The following CATSPERE variants were observed in gnomAD, a reference collection of about 807,000 sequenced individuals.
The protein encoded by CATSPERE is cation channel sperm-associated auxiliary subunit epsilon.
CATSPERE carries 93 observed loss-of-function variants against 114.1 expected under a neutral mutation model. The ratio of observed to expected loss-of-function variants is 0.81; its 90% confidence interval spans 0.69 to 0.97. The LOEUF is 0.97. Ranked by LOEUF, CATSPERE falls within the 50% of genes least tolerant of loss-of-function variation. The pLI is 0.00. For synonymous variants in CATSPERE, 341 were observed against 384.1 expected (o/e 0.89, Z 1.31); for missense variants, 1,058 against 1,131.6 (o/e 0.93, Z 0.93).
intron 7 of CATSPERE, among the ~76,000 whole-genome samples, chr1:244,517,984 G>A (rs1676917088): frequency 6.6e-6 from 1 of 152,128 alleles, no homozygotes; most frequent in Non-Finnish European, 1.5e-5. Flanking sequence ...TAGAGGATTA[G>A]GATAGAATTC....
Position 244,477,908 on chromosome 1 carries a change from C to T in CATSPERE, c.191C>T (p.Ser64Leu). 6.2e-7 allele frequency: 1 copy of T among 1,602,658 alleles called. No individual in the cohort carries two copies. The change falls in exon 4 of 22, where the codon TCA (serine) becomes TTA (leucine). Residue 64 changes from serine (S) to leucine (L), a missense_variant and splice_region_variant. Physicochemically the swap from Ser to Leu is moderately radical, Grantham distance 145. Transcript: ENST00000366534. ...PETCFVLNKS[S>L]PTTELRCSSP... Reference sequence around the variant, plus strand: ...TTTCTCATCTTTTTAAACACTAGCTCACCCACGACAGAATTGCGTTGTTCC... The same window carrying T: ...TTTCTCATCTTTTTAAACACTAGCTTACCCACGACAGAATTGCGTTGTTCC...
At chr1:244,524,557 C>T (rs897099573) in intron 8 of CATSPERE, among the ~76,000 whole-genome samples, 10 of 151,392 alleles carry the variant, frequency 6.6e-5, no homozygotes, top group Non-Finnish European at 5.9e-5. Context: ...AGGCCACCTA[C>T]AAAATGTGAG....
At chr1:244,597,860 C>T (rs530678185) in intron 17 of CATSPERE, among the ~76,000 whole-genome samples, 2 of 152,262 alleles carry the variant, frequency 1.3e-5, no homozygotes, top group Admixed American at 1.3e-4. Context: ...TCATTTGATA[C>T]GACACATAAA....
intron 14 of CATSPERE, among the ~76,000 whole-genome samples, chr1:244,590,073 A>T (rs1417836680): frequency 6.6e-6 from 1 of 152,178 alleles, no homozygotes; most frequent in Non-Finnish European, 1.5e-5. Flanking sequence ...ATTTGTGTTC[A>T]GGGTGAGGGA....
chr1:244,558,925 C>G (rs1662117286), intron 9 of CATSPERE, among the ~76,000 whole-genome samples: 1 of 152,192 alleles, frequency 6.6e-6, no homozygotes, highest in Non-Finnish European at 1.5e-5. Context: ...AGCTGAGAAT[C>G]CAGAGTGTGG....
In CATSPERE at chr1:244,640,130, T is replaced by C. The variant is rs1354699504; in HGVS notation, c.*49T>C. The C allele has an allele frequency of 1.4e-6, 2 of 1,399,528 alleles. No homozygotes were observed. The highest frequency in any genetic ancestry group is 2.0e-6 in the Non-Finnish European group (2 of 1,017,848). The allele number at this position is 1,399,528 out of a possible 1,614,324, so 86.7% of individuals were successfully genotyped here. On this transcript the variant is annotated 3_prime_UTR_variant, in exon 22 of 22. Transcript: ENST00000366534. ...CAGATATATGCATATAGAGAAACAG[T>C]GTATTACATAGTGATATTGAGAGTG...
intron 21 of CATSPERE, among the ~76,000 whole-genome samples, chr1:244,637,941 G>A (rs1020646712): frequency 1.4e-4 from 22 of 152,104 alleles, no homozygotes; most frequent in African/African-American, 4.8e-4. Context: ...TCCTCTTTCC[G>A]TCCTGTTACA....
At chr1:244,617,477 G>T in intron 19 of CATSPERE, 52 bp from the exon 20 acceptor site, 1 of 1,331,206 alleles carries the variant, frequency 7.5e-7, no homozygotes, top group Non-Finnish European at 1.0e-6. Context: ...ATAATTTTGC[G>T]TATCAAAGTC....
At chr1:244,582,227 C>T (rs556842358) in intron 12 of CATSPERE, among the ~76,000 whole-genome samples, 2 of 152,212 alleles carry the variant, frequency 1.3e-5, no homozygotes, top group East Asian at 3.9e-4. Context: ...TGCATAGAGC[C>T]AGATAAAATG....
chr1:244,591,250 T>C (rs536067636), intron 14 of CATSPERE, among the ~76,000 whole-genome samples: 1 of 149,224 alleles, frequency 6.7e-6, no homozygotes, highest in Non-Finnish European at 1.5e-5. Flanking sequence ...CACATAGTTA[T>C]CATTTTGGTG....
chr1:244,625,192 T>C (rs1191257999), intron 20 of CATSPERE, among the ~76,000 whole-genome samples: 2 of 151,376 alleles, frequency 1.3e-5, no homozygotes, highest in Non-Finnish European at 2.9e-5. Context: ...TCTTAAATAG[T>C]AAGACTTGGA....
chr1:244,621,051 A>AAAT lies in CATSPERE; in HGVS notation c.2648+3366_2648+3367insATA, dbSNP rs1558608610. 6.4e-4 allele frequency among the ~76,000 whole-genome samples: 48 copies of AAAT among 75,364 alleles called. 5 individuals carry two copies. Among genetic ancestry groups the AAAT allele is most frequent in the African/African-American group, 2.6e-3 (34 of 13,172 alleles). The allele number at this position is 75,364 out of a possible 152,430, so 49.4% of individuals were successfully genotyped here. On this transcript the variant is annotated intron_variant, in intron 20 of 21. Transcript: ENST00000366534. Reference sequence around the variant, plus strand: ...TAAATATATATAAAATATATATATAAATATATATAAATATATATAAAATAT... The same window carrying AAAT: ...TAAATATATATAAAATATATATATAAAATATATATATAAATATATATAAAATAT...
At chr1:244,609,933 G>A (rs996368884) in intron 18 of CATSPERE, among the ~76,000 whole-genome samples, 1 of 152,104 alleles carries the variant, frequency 6.6e-6, no homozygotes, top group African/African-American at 2.4e-5. Context: ...TGTAGTCCTA[G>A]GTACTTGAGA....
chr1:244,550,013 C>T (rs1269073220), intron 8 of CATSPERE, among the ~76,000 whole-genome samples: 2 of 152,188 alleles, frequency 1.3e-5, no homozygotes, highest in Non-Finnish European at 2.9e-5. Flanking sequence ...CTCCTGCACT[C>T]AGACATTGGC....
At chr1:244,491,147 T>C (rs1672071236) in intron 6 of CATSPERE, among the ~76,000 whole-genome samples, 1 of 152,070 alleles carries the variant, frequency 6.6e-6, no homozygotes, top group South Asian at 2.1e-4. Flanking sequence ...TATACATTTT[T>C]TTCAGCACCA....
intron 5 of CATSPERE, among the ~76,000 whole-genome samples, chr1:244,489,367 C>T (rs1671576716): frequency 6.8e-6 from 1 of 147,580 alleles, no homozygotes; most frequent in Admixed American, 6.9e-5. Flanking sequence ...GTTTTTTATG[C>T]AGAATGACAA....
intron 6 of CATSPERE, among the ~76,000 whole-genome samples, chr1:244,491,984 G>T (rs1672256140): frequency 6.6e-6 from 1 of 152,312 alleles, no homozygotes; most frequent in Non-Finnish European, 1.5e-5. Context: ...TCCAGGACCA[G>T]ATGGATTCAC....
intron 17 of CATSPERE, among the ~76,000 whole-genome samples, chr1:244,595,947 A>T (rs1024359751): frequency 2.6e-5 from 4 of 152,190 alleles, no homozygotes; most frequent in Non-Finnish European, 2.9e-5. Context: ...AAGAAAAAAA[A>T]AAATTTGCTT....
intron 1 of CATSPERE, among the ~76,000 whole-genome samples, chr1:244,461,862 G>A (rs1404911687): frequency 6.6e-6 from 1 of 152,184 alleles, no homozygotes; most frequent in African/African-American, 2.4e-5. Flanking sequence ...TGCCCAGGCT[G>A]CAATGCAGTG....
Sources: gnomAD v4.1 joint callset for allele counts (sites outside exome capture counted in the v4.1 genomes callset) on GRCh38, gnomAD v4.1.1 for gene constraint, MANE v1.5 for transcripts, NCBI Gene and HGNC (gene_info 2026-07-23, HGNC 2026-07-21) for gene names.